Variants in OTULINL observed in about 807,000 individuals in gnomAD.
OTULINL encodes inactive ubiquitin thioesterase OTULINL.
OTULINL carries 42 observed loss-of-function variants against 43.9 expected under a neutral mutation model. The observed-to-expected ratio is 0.96, with a 90% CI of 0.75 to 1.24. The LOEUF is 1.24. OTULINL is among the 50% of genes most tolerant of loss of function. The pLI is 0.00. For missense variants in OTULINL, 411 were observed against 426.4 expected (o/e 0.96, Z 0.32); for synonymous variants, 172 against 153.6 (o/e 1.12, Z -0.88).
At chr5:14,602,463 G>A in intron 5 of OTULINL, 131 bp downstream of exon 5, 1 of 757,696 alleles carries the variant, frequency 1.3e-6, no homozygotes, top group Non-Finnish European at 2.1e-6. Context: ...TTTGAGACAA[G>A]ATCTCACTGT....
intron 5 of OTULINL, among the ~76,000 whole-genome samples, chr5:14,607,067 A>G (rs560791349): frequency 2.0e-5 from 3 of 152,110 alleles, no homozygotes; most frequent in Non-Finnish European, 4.4e-5. Context: ...CGTCTCTACT[A>G]AAAATACAAA....
rs375095037 is a variant in OTULINL, at chr5:14,592,753, A to G, written c.65-8212A>G. ...GACTGGTTCTTCATAACCCCAAGCA[A>G]TAGATTCCAGGGTGGTTACAGATCT... On this transcript the variant is annotated intron_variant, in intron 1 of 7. Coordinates refer to ENST00000274217, the MANE Select transcript of OTULINL (RefSeq NM_019018.3). 1.1e-4 allele frequency among the ~76,000 whole-genome samples: 16 copies of G among 152,284 alleles called. No individual in the cohort carries two copies. The East Asian group carries it at 1.2e-3, about 11-fold the overall frequency.
intron 1 of OTULINL, among the ~76,000 whole-genome samples, chr5:14,598,019 C>T (rs1759316294): frequency 6.6e-6 from 1 of 152,080 alleles, no homozygotes; most frequent in Non-Finnish European, 1.5e-5. Context: ...AGCGGGTCCC[C>T]ATGGAGGCCT....
chr5:14,602,118 G>A (rs941308625), intron 4 of OTULINL, 65 bp from the exon 5 acceptor site: 5 of 1,333,474 alleles, frequency 3.7e-6, no homozygotes, highest in Non-Finnish European at 5.0e-6. Context: ...TGAAAATACA[G>A]TGAATTCACT....
At chr5:14,596,324 G>T (rs1759286949) in intron 1 of OTULINL, among the ~76,000 whole-genome samples, 1 of 152,136 alleles carries the variant, frequency 6.6e-6, no homozygotes, top group Non-Finnish European at 1.5e-5. Flanking sequence ...GCTGGGCCAG[G>T]GACTGCAGAA....
chr5:14,594,278 G>C (rs1158014975), intron 1 of OTULINL, among the ~76,000 whole-genome samples: 4 of 152,178 alleles, frequency 2.6e-5, no homozygotes, highest in Admixed American at 2.6e-4. Context: ...TGGCCTAACA[G>C]GATTTGTTCT....
At position 14,610,376 on chromosome 5, in the gene OTULINL, T is replaced by G; in HGVS notation, c.*62T>G. On this transcript the variant is annotated 3_prime_UTR_variant, in exon 8 of 8. Coordinates refer to ENST00000274217, the MANE Select transcript of OTULINL (RefSeq NM_019018.3). Reference sequence around the variant, plus strand: ...CGGTGGTCACAGTTGCAATAAAGTCTCTCTCTGAAACCAAAGCTAGCATTT... The same window carrying G: ...CGGTGGTCACAGTTGCAATAAAGTCGCTCTCTGAAACCAAAGCTAGCATTT... 2 of 1,551,832 alleles carry G rather than the reference T, an allele frequency of 1.3e-6. No homozygotes were observed. Among genetic ancestry groups the G allele is most frequent in the Non-Finnish European group, 1.8e-6 (2 of 1,136,196 alleles).
At chr5:14,606,412 A>T (rs1759476494) in intron 5 of OTULINL, among the ~76,000 whole-genome samples, 1 of 152,216 alleles carries the variant, frequency 6.6e-6, no homozygotes, top group Admixed American at 6.5e-5. Context: ...CCTTGTCTTT[A>T]AAAAAGAAAA....
intron 2 of OTULINL, 40 bp from the exon 3 acceptor site, chr5:14,601,173 A>G (rs745718887): frequency 3.7e-6 from 6 of 1,612,126 alleles, no homozygotes; most frequent in South Asian, 3.3e-5. Context: ...TTACTATTCA[A>G]AGCAGAATTC....
At chr5:14,608,233 C>G (rs1409034380) in intron 6 of OTULINL, among the ~76,000 whole-genome samples, 2 of 152,174 alleles carry the variant, frequency 1.3e-5, no homozygotes, top group African/African-American at 4.8e-5. Context: ...GCTTAGGCTT[C>G]TATAACAAAA....
At chr5:14,603,809 C>G (rs1759428074) in intron 5 of OTULINL, among the ~76,000 whole-genome samples, 1 of 152,004 alleles carries the variant, frequency 6.6e-6, no homozygotes, top group Non-Finnish European at 1.5e-5. Context: ...GATAAGTAAC[C>G]TGAGTTTTTA....
At chr5:14,591,134 C>A (rs1384569705) in intron 1 of OTULINL, among the ~76,000 whole-genome samples, 1 of 152,142 alleles carries the variant, frequency 6.6e-6, no homozygotes. Context: ...AGACCACGTG[C>A]CACCAAAGCC....
At chr5:14,606,933 A>G (rs984064429) in intron 5 of OTULINL, among the ~76,000 whole-genome samples, 7 of 152,312 alleles carry the variant, frequency 4.6e-5, no homozygotes, top group African/African-American at 1.7e-4. Flanking sequence ...AGATTGCTAA[A>G]TGAGGTAAGT....
intron 1 of OTULINL, among the ~76,000 whole-genome samples, chr5:14,589,049 A>C (rs551936022): frequency 6.6e-6 from 1 of 152,138 alleles, no homozygotes. Context: ...TACATGATAC[A>C]TTTCGTTCAT....
intron 6 of OTULINL, among the ~76,000 whole-genome samples, chr5:14,608,318 G>GT (rs1251983490): frequency 1.3e-5 from 2 of 152,206 alleles, no homozygotes; most frequent in East Asian, 3.8e-4. Flanking sequence ...AGAGATCAGG[G>GT]TGCCAGCACA....
At chr5:14,586,777 A>G (rs941578045) in intron 1 of OTULINL, among the ~76,000 whole-genome samples, 1 of 152,150 alleles carries the variant, frequency 6.6e-6, no homozygotes, top group African/African-American at 2.4e-5. Flanking sequence ...TTAGTCTTCT[A>G]GGAGAGGGAG....
Position 14,600,971 on chromosome 5 carries a change from AC to A in OTULINL, c.73del (p.Gln25LysfsTer7). On this transcript the variant is annotated frameshift_variant, in exon 2 of 8. Coordinates refer to ENST00000274217, the MANE Select transcript of OTULINL (RefSeq NM_019018.3). LOFTEE classifies it high-confidence loss of function. Reference sequence around the variant, plus strand: ...TTTTTTGTAATTTTCATAGGAAGTGACCAAGTTCACTCCTGGATGCTAGCTA... The same window carrying A: ...TTTTTTGTAATTTTCATAGGAAGTGACAAGTTCACTCCTGGATGCTAGCTA... ...ERSGAPAAGS[D>X]QVHSWMLATS... is the part of the protein sequence containing the mutation. 7.2e-7 allele frequency: 1 copy of A among 1,397,958 alleles called. No homozygotes were observed. Among genetic ancestry groups the A allele is most frequent in the East Asian group, 2.7e-5 (1 of 37,538 alleles). 86.6% of individuals were successfully genotyped at this position (1,397,958 alleles called of 1,614,324 possible). A position where few individuals can be genotyped will look rare whatever the true frequency, so the allele number is the denominator to read the frequency against.
At chr5:14,598,956 A>G (rs1029034010) in intron 1 of OTULINL, among the ~76,000 whole-genome samples, 2 of 152,220 alleles carry the variant, frequency 1.3e-5, no homozygotes, top group Admixed American at 6.5e-5. Flanking sequence ...CTTCACTAAA[A>G]ATATTTGCTT....
intron 1 of OTULINL, among the ~76,000 whole-genome samples, chr5:14,599,547 A>G (rs1759347879): frequency 6.6e-6 from 1 of 151,972 alleles, no homozygotes; most frequent in East Asian, 1.9e-4. Context: ...TTATTTCTTT[A>G]TAAGTGTAAA....
Sources: allele counts gnomAD v4.1 joint callset (sites outside exome capture counted in the v4.1 genomes callset), GRCh38; gene constraint gnomAD v4.1.1; transcripts MANE v1.5; gene names NCBI Gene and HGNC (gene_info 2026-07-23, HGNC 2026-07-21).